Variants in ROBO1 observed in about 807,000 individuals in gnomAD.
The protein encoded by ROBO1 is roundabout homolog 1.
ROBO1 carries 149 observed loss-of-function variants against 195.9 expected under a neutral mutation model. That is an observed-to-expected ratio of 0.76 (90% CI 0.67 to 0.87). The LOEUF is 0.87. Among genes scored for constraint, ROBO1 ranks in the 40% least tolerant of loss-of-function variants. The pLI, the probability that ROBO1 is intolerant of heterozygous loss-of-function variation, is 0.00. For synonymous variants in ROBO1, 816 were observed against 733.2 expected (o/e 1.11, Z -1.82); for missense variants, 1,933 against 2,068.3 (o/e 0.93, Z 1.27).
At chr3:79,746,753 T>C (rs1218658736) in intron 1 of ROBO1, among the ~76,000 whole-genome samples, 2 of 152,072 alleles carry the variant, frequency 1.3e-5, no homozygotes, top group Non-Finnish European at 2.9e-5. Flanking sequence ...TGACTGAACC[T>C]GCAATGGAGC....
rs866731898 is a variant in ROBO1, at chr3:78,885,938, T to C, written c.499+52663A>G. Among the ~76,000 whole-genome samples, 1,250 of 144,940 alleles carry C rather than the reference T, an allele frequency of 8.6e-3. 29 individuals are homozygous for C. The highest frequency in any genetic ancestry group is 0.027 in the African/African-American group (1,072 of 39,610). On this transcript the variant is annotated intron_variant, in intron 4 of 30. Coordinates refer to ENST00000464233, the MANE Select transcript of ROBO1 (RefSeq NM_002941.4). ...ATATATATATATATATATATATATA[T>C]ATACATACATATATATTTTTTTAAG...
chr3:78,897,836 T>A (rs2037330262), intron 4 of ROBO1, among the ~76,000 whole-genome samples: 1 of 152,028 alleles, frequency 6.6e-6, no homozygotes, highest in African/African-American at 2.4e-5. Flanking sequence ...TCTTGAGTTG[T>A]ACCAAAAAGA....
At chr3:79,759,672 C>T (rs991758919) in intron 1 of ROBO1, among the ~76,000 whole-genome samples, 1 of 152,192 alleles carries the variant, frequency 6.6e-6, no homozygotes, top group African/African-American at 2.4e-5. Flanking sequence ...TCTGGCTAAA[C>T]ATAATCCGAT....
chr3:78,828,819 C>T (rs779118569), intron 4 of ROBO1, among the ~76,000 whole-genome samples: 1 of 152,072 alleles, frequency 6.6e-6, no homozygotes, highest in East Asian at 1.9e-4. Flanking sequence ...TAGGTGGCTC[C>T]CCATTTGGGA....
At position 79,379,593 on chromosome 3, in the gene ROBO1, A is replaced by T. The variant is rs185199354; in HGVS notation, c.88+210231T>A. Among the ~76,000 whole-genome samples, 371 of 152,236 alleles carry T rather than the reference A, an allele frequency of 2.4e-3. 2 individuals carry two copies. Among genetic ancestry groups the T allele is most frequent in the African/African-American group, 7.6e-3 (315 of 41,544 alleles). On this transcript the variant is annotated intron_variant, in intron 2 of 30. Coordinates refer to ENST00000464233, the MANE Select transcript of ROBO1 (RefSeq NM_002941.4). ...TTCCACTTACCTTGTGATCTAAAAA[A>T]CCTTAAGGCTACACTTTTGCACTTA...
intron 2 of ROBO1, among the ~76,000 whole-genome samples, chr3:79,323,693 T>C (rs1324188891): frequency 1.3e-5 from 2 of 152,192 alleles, no homozygotes; most frequent in Non-Finnish European, 2.9e-5. Context: ...ACCGTATCTT[T>C]CGATATCATA....
chr3:79,418,850 A>C (rs2038110169), intron 2 of ROBO1, among the ~76,000 whole-genome samples: 1 of 152,294 alleles, frequency 6.6e-6, no homozygotes, highest in East Asian at 1.9e-4. Flanking sequence ...AAAAAATTAA[A>C]TAAATACTTA....
chr3:78,681,795 G>C (rs1480232907), intron 10 of ROBO1, among the ~76,000 whole-genome samples: 1 of 152,118 alleles, frequency 6.6e-6, no homozygotes, highest in Non-Finnish European at 1.5e-5. Flanking sequence ...CCAGCTACTC[G>C]AGAGGCTGAG....
chr3:79,347,379 T>C (rs997108887), intron 2 of ROBO1, among the ~76,000 whole-genome samples: 4 of 152,214 alleles, frequency 2.6e-5, no homozygotes, highest in Admixed American at 1.3e-4. Context: ...TTAGCATGTT[T>C]GTTGGACTGA....
intron 2 of ROBO1, among the ~76,000 whole-genome samples, chr3:79,242,892 T>G (rs2082547138): frequency 1.3e-5 from 2 of 152,080 alleles, no homozygotes; most frequent in Non-Finnish European, 2.9e-5. Flanking sequence ...GCAGGTTTGT[T>G]ACATATGTAT....
chr3:79,018,728 C>T, intron 3 of ROBO1: 3 of 1,243,042 alleles, frequency 2.4e-6, no homozygotes, highest in Non-Finnish European at 3.1e-6. Context: ...AAGAACCATC[C>T]AAAGCGAACA....
At chr3:78,660,009 C>A in intron 16 of ROBO1, 1 of 321,588 alleles carries the variant, frequency 3.1e-6, no homozygotes, top group Non-Finnish European at 5.6e-6. Flanking sequence ...CAACCTCCCC[C>A]TCCCGGGTTC....
chr3:79,440,684 T>C (rs1171172243), intron 2 of ROBO1, among the ~76,000 whole-genome samples: 1 of 152,114 alleles, frequency 6.6e-6, no homozygotes, highest in Non-Finnish European at 1.5e-5. Context: ...TGGGACTAAG[T>C]TTTCTATCCT....
chr3:78,893,003 C>T (rs908360751), intron 4 of ROBO1, among the ~76,000 whole-genome samples: 3 of 152,184 alleles, frequency 2.0e-5, no homozygotes, highest in Non-Finnish European at 4.4e-5. Flanking sequence ...AGTGCAACCT[C>T]ATACTGGCAG....
In ROBO1 at chr3:79,048,623, G is replaced by A. The variant is rs549011792; in HGVS notation, c.172+76833C>T. 3.9e-5 allele frequency among the ~76,000 whole-genome samples: 6 copies of A among 152,118 alleles called. No homozygotes were observed. The South Asian group carries it at 6.2e-4, about 16-fold the overall frequency. On this transcript the variant is annotated intron_variant, in intron 3 of 30. Transcript: ENST00000464233. ...ACTTAAATGGCTTATTCACTCTTTC[G>A]TATGAATAAAGTGTGCATTCCTCTC...
Position 78,805,558 on chromosome 3 carries a change from A to G in ROBO1, c.500-58658T>C, listed in dbSNP as rs143008861. Among the ~76,000 whole-genome samples the G allele has an allele frequency of 3.0e-3, 461 of 152,166 alleles. 3 individuals are homozygous for G. Among genetic ancestry groups the G allele is most frequent in the African/African-American group, 0.01 (436 of 41,584 alleles). The stretch of plus-strand genomic sequence containing the variant: ...TAGTATCCAAATATAAATAGGGTTT[A>G]GAGTTTGAAAATAAAATAATTTGAA... On this transcript the variant is annotated intron_variant, in intron 4 of 30. Transcript: ENST00000464233.
chr3:78,938,937 A>C lies in ROBO1; in HGVS notation c.173-10T>G, dbSNP rs1284496650. The C allele has an allele frequency of 6.3e-7, 1 of 1,592,102 alleles. No homozygotes were observed. Among genetic ancestry groups the C allele is most frequent in the South Asian group, 1.1e-5 (1 of 88,172 alleles). On this transcript the variant is annotated splice_polypyrimidine_tract_variant and intron_variant, in intron 3 of 30. Coordinates refer to ENST00000464233, the MANE Select transcript of ROBO1 (RefSeq NM_002941.4). Reference sequence around the variant, plus strand: ...TGACGAAGACGGGAGCCTGCAGAAGAATTCACAAAATATCTTCGTATATCA... The same window carrying C: ...TGACGAAGACGGGAGCCTGCAGAAGCATTCACAAAATATCTTCGTATATCA...
At chr3:78,883,075 A>G (rs187434512) in intron 4 of ROBO1, among the ~76,000 whole-genome samples, 23 of 152,144 alleles carry the variant, frequency 1.5e-4, no homozygotes, top group Admixed American at 8.5e-4. Context: ...AGACTCCCAA[A>G]GTGCCGAGAT....
intron 3 of ROBO1, among the ~76,000 whole-genome samples, chr3:78,941,227 G>GT (rs2040120558): frequency 6.6e-6 from 1 of 152,070 alleles, no homozygotes; most frequent in African/African-American, 2.4e-5. Context: ...ATACAGCATG[G>GT]TATAGATTTT....
Sources: gnomAD v4.1 joint callset for allele counts (sites outside exome capture counted in the v4.1 genomes callset) on GRCh38, gnomAD v4.1.1 for gene constraint, MANE v1.5 for transcripts, NCBI Gene and HGNC (gene_info 2026-07-23, HGNC 2026-07-21) for gene names.